Variants in ARHGAP24 observed in about 807,000 individuals in gnomAD.
The protein encoded by ARHGAP24 is rho GTPase-activating protein 24.
In ARHGAP24, 50 loss-of-function variants were observed where a neutral mutation model predicts 76.4. The ratio of observed to expected loss-of-function variants is 0.65; its 90% CI spans 0.52 to 0.83. The LOEUF (loss-of-function observed/expected upper bound fraction) is 0.83. Among genes scored for constraint, ARHGAP24 ranks in the 40% least tolerant of loss-of-function variants. ARHGAP24 has a pLI of 0.00. For synonymous variants in ARHGAP24, 345 were observed against 323.3 expected (o/e 1.07, Z -0.72); for missense variants, 930 against 914.2 (o/e 1.02, Z -0.22).
chr4:85,671,728 A>G (rs1722821869), intron 2 of ARHGAP24, among the ~76,000 whole-genome samples: 1 of 152,180 alleles, frequency 6.6e-6, no homozygotes, highest in African/African-American at 2.4e-5. Context: ...AACTTTTCTT[A>G]CACTGACTTC....
At chr4:85,881,401 A>G (rs1027748103) in intron 3 of ARHGAP24, among the ~76,000 whole-genome samples, 17 of 152,150 alleles carry the variant, frequency 1.1e-4, no homozygotes, top group African/African-American at 3.9e-4. Flanking sequence ...GCCAAGATGT[A>G]TATTCATTAT....
At chr4:85,657,570 G>A (rs1383117553) in intron 2 of ARHGAP24, among the ~76,000 whole-genome samples, 1 of 152,176 alleles carries the variant, frequency 6.6e-6, no homozygotes, top group East Asian at 1.9e-4. Flanking sequence ...TCAAAACAGA[G>A]TAGTTTCTAG....
chr4:85,596,314 A>G (rs981951377), intron 2 of ARHGAP24, among the ~76,000 whole-genome samples: 5 of 152,016 alleles, frequency 3.3e-5, no homozygotes, highest in Middle Eastern at 3.2e-3. Flanking sequence ...TGAAGGTCAA[A>G]CATGAAGTGG....
chr4:85,796,262 CATT>C (rs1468727710), intron 3 of ARHGAP24, among the ~76,000 whole-genome samples: 1 of 151,932 alleles, frequency 6.6e-6, no homozygotes, highest in Non-Finnish European at 1.5e-5. Context: ...TCCAAGTTAT[CATT>C]ATAATATTAT....
intron 3 of ARHGAP24, among the ~76,000 whole-genome samples, chr4:85,842,640 A>G (rs1487029968): frequency 1.3e-5 from 2 of 152,228 alleles, no homozygotes; most frequent in Non-Finnish European, 2.9e-5. Flanking sequence ...GGCAGGGCAC[A>G]TTATACACAC....
At chr4:85,719,671 A>G (rs1466194836) in intron 2 of ARHGAP24, among the ~76,000 whole-genome samples, 12 of 152,214 alleles carry the variant, frequency 7.9e-5, no homozygotes, top group Admixed American at 6.5e-5. Context: ...ACTCAACAAT[A>G]CACATTTTTA....
chr4:85,644,325 T>C (rs1362365015), intron 2 of ARHGAP24, among the ~76,000 whole-genome samples: 1 of 152,132 alleles, frequency 6.6e-6, no homozygotes, highest in Admixed American at 6.6e-5. Context: ...GAACATCACA[T>C]TGGTTTTAAG....
chr4:85,573,530 T>G (rs937450130), intron 2 of ARHGAP24, among the ~76,000 whole-genome samples: 6 of 152,184 alleles, frequency 3.9e-5, no homozygotes, highest in Non-Finnish European at 1.5e-5. Flanking sequence ...GTGATACTGT[T>G]CTCAACTCCC....
At chr4:85,480,156 C>G (rs1006632338) in intron 1 of ARHGAP24, among the ~76,000 whole-genome samples, 5 of 152,100 alleles carry the variant, frequency 3.3e-5, no homozygotes, top group African/African-American at 1.2e-4. Flanking sequence ...CCCTTTTTAA[C>G]TACTGAGAGT....
At chr4:85,829,931 T>G (rs1451771240) in intron 3 of ARHGAP24, among the ~76,000 whole-genome samples, 4 of 152,218 alleles carry the variant, frequency 2.6e-5, no homozygotes, top group Non-Finnish European at 4.4e-5. Context: ...TTTAGATAAC[T>G]AGCTTACCTC....
intron 1 of ARHGAP24, among the ~76,000 whole-genome samples, chr4:85,487,791 T>A (rs1450285686): frequency 9.4e-6 from 1 of 106,496 alleles, no homozygotes; most frequent in Non-Finnish European, 1.7e-5. Flanking sequence ...ATATATTATA[T>A]AAATATATAT....
At chr4:85,925,595 A>G (rs554819808) in intron 4 of ARHGAP24, among the ~76,000 whole-genome samples, 9 of 152,356 alleles carry the variant, frequency 5.9e-5, no homozygotes, top group East Asian at 3.9e-4. Context: ...CAGTATATAT[A>G]TTGCTATAAT....
chr4:85,574,730 TGA>T (rs1319448509), intron 2 of ARHGAP24, among the ~76,000 whole-genome samples: 1 of 152,234 alleles, frequency 6.6e-6, no homozygotes, highest in Non-Finnish European at 1.5e-5. Flanking sequence ...TTAATAAATA[TGA>T]GTTTCTCAAT....
intron 3 of ARHGAP24, among the ~76,000 whole-genome samples, chr4:85,768,634 CG>C (rs2110077414): frequency 6.6e-6 from 1 of 152,028 alleles, no homozygotes; most frequent in Non-Finnish European, 1.5e-5. Context: ...AAAAATTAGC[CG>C]GGTGTGGTGG....
At chr4:85,492,207 T>C (rs1293954736) in intron 1 of ARHGAP24, among the ~76,000 whole-genome samples, 1 of 152,098 alleles carries the variant, frequency 6.6e-6, no homozygotes, top group African/African-American at 2.4e-5. Flanking sequence ...TTTTTCTTCC[T>C]CTATTCCTTC....
In ARHGAP24 at chr4:86,000,986, T is replaced by C. The variant is rs56937789; in HGVS notation, c.*264T>C. The C allele has an allele frequency of 2.4e-3, 1,260 of 519,642 alleles. 11 individuals are homozygous for C. In the East Asian group the frequency reaches 0.029, roughly 12 times the overall value. The allele number at this position is 519,642 out of a possible 1,614,324, so 32.2% of individuals were successfully genotyped here. The stretch of plus-strand genomic sequence containing the variant: ...AGTAAACTAAAAATGAGAAGCATAT[T>C]TCAAGAATTATTTTATTGCAAGTCT... On this transcript the variant is annotated 3_prime_UTR_variant, in exon 10 of 10. Transcript: ENST00000395184.
chr4:85,789,378 T>C (rs1050868140), intron 3 of ARHGAP24, among the ~76,000 whole-genome samples: 1 of 151,550 alleles, frequency 6.6e-6, no homozygotes, highest in Non-Finnish European at 1.5e-5. Context: ...TTCTTTTTCT[T>C]TTTTTTTAAA....
chr4:85,597,371 G>A (rs2109985454), intron 2 of ARHGAP24, among the ~76,000 whole-genome samples: 1 of 152,190 alleles, frequency 6.6e-6, no homozygotes, highest in Admixed American at 6.6e-5. Flanking sequence ...CTTACTTCGA[G>A]TTATGTGGTT....
At chr4:85,755,115 C>T (rs943252219) in intron 3 of ARHGAP24, among the ~76,000 whole-genome samples, 3 of 152,158 alleles carry the variant, frequency 2.0e-5, no homozygotes, top group East Asian at 3.8e-4. Flanking sequence ...GAACCTGTTG[C>T]GTAAATTTGG....
Sources: allele counts gnomAD v4.1 joint callset (sites outside exome capture counted in the v4.1 genomes callset), GRCh38; gene constraint gnomAD v4.1.1; transcripts MANE v1.5; gene names NCBI Gene and HGNC (gene_info 2026-07-23, HGNC 2026-07-21).